Variants in TASOR observed in about 807,000 individuals in gnomAD.
The protein encoded by TASOR is protein TASOR.
Under a neutral mutation model 178.6 loss-of-function variants are expected in TASOR, and 53 were observed. The ratio of observed to expected loss-of-function variants is 0.30; its 90% confidence interval spans 0.24 to 0.37. TASOR has a LOEUF of 0.37. Among genes scored for constraint, TASOR ranks in the 10% least tolerant of loss-of-function variants. The probability of loss-of-function intolerance (pLI) is 1.00; values close to 1 mark genes in which losing one functional copy is unlikely to be tolerated. For missense variants in TASOR, 1,815 were observed against 1,971.4 expected, an observed-to-expected ratio of 0.92 and a Z score of 1.50; for synonymous variants, 713 against 696.2, an observed-to-expected ratio of 1.02 and a Z score of -0.38.
intron 11 of TASOR, among the ~76,000 whole-genome samples, chr3:56,656,929 G>A (rs1002012434): frequency 2.6e-5 from 4 of 151,554 alleles, no homozygotes; most frequent in African/African-American, 9.7e-5. Flanking sequence ...AGAACTGCTT[G>A]AACCCAGGAG....
rs144214683 is a variant in TASOR at position 56,633,605 on chromosome 3, G to A, written c.3186C>T (p.Ser1062=). Residue 1062 remains serine, a synonymous_variant, in exon 18 of 24, where the codon TCC becomes TCT. Transcript: ENST00000683822. ...TGGAAGTCTTAGAATATATGAACTC[G>A]GAAAGCCGTTTCATCTTCTCTTGTG... ...FSTQEKMKRL[S]EFIYSKTSKA... 2.0e-4 allele frequency: 316 copies of A among 1,613,946 alleles called. 1 individual carries two copies. The African/African-American group carries it at 3.2e-3, about 16-fold the overall frequency.
At position 56,628,554 on chromosome 3, in the gene TASOR, A is replaced by T. The variant is rs776829424; in HGVS notation, c.3808T>A (p.Ser1270Thr). The change falls in exon 19 of 24, where the codon TCA becomes ACA. Residue 1270 changes from serine to threonine, a missense_variant. This residue lies in a region of TASOR where 655 missense variants were observed against 671.1 expected (regional missense o/e 0.98). Coordinates refer to ENST00000683822, the MANE Select transcript of TASOR (RefSeq NM_001365635.2). Reference protein sequence around the residue: ...CHPEQFLERRSKLDKLLIIIQ... With the variant: ...CHPEQFLERRTKLDKLLIIIQ... ...ATAATCAATAGTTTATCTAATTTTGATCTTCTTTCCAAAAACTGTTCAGGA... is the reference window on the plus strand; with the variant it reads ...ATAATCAATAGTTTATCTAATTTTGTTCTTCTTTCCAAAAACTGTTCAGGA... 3.1e-6 allele frequency: 5 copies of T among 1,600,174 alleles called. No individual in the cohort carries two copies. The highest frequency in any genetic ancestry group is 4.3e-6 in the Non-Finnish European group (5 of 1,169,478).
At chr3:56,648,487 G>A (rs2077281212) in intron 13 of TASOR, among the ~76,000 whole-genome samples, 1 of 151,218 alleles carries the variant, frequency 6.6e-6, no homozygotes, top group Admixed American at 6.6e-5. Flanking sequence ...AAAATTAGCT[G>A]GGAGTGGTGG....
intron 1 of TASOR, among the ~76,000 whole-genome samples, chr3:56,676,151 G>A (rs1294462311): frequency 1.5e-5 from 2 of 133,742 alleles, no homozygotes; most frequent in Non-Finnish European, 3.1e-5. Context: ...CATGAGAGCA[G>A]GAACCTGCCT....
At chr3:56,636,361 A>G (rs1578205345) in intron 17 of TASOR, among the ~76,000 whole-genome samples, 2 of 152,144 alleles carry the variant, frequency 1.3e-5, no homozygotes, top group South Asian at 4.2e-4. Flanking sequence ...ACACACATAC[A>G]TGTCAATCCA....
intron 1 of TASOR, among the ~76,000 whole-genome samples, chr3:56,676,364 G>A (rs934908082): frequency 6.6e-6 from 1 of 152,162 alleles, no homozygotes; most frequent in African/African-American, 2.4e-5. Flanking sequence ...ACAAATGAAA[G>A]CTCAGAAAAG....
At chr3:56,640,638 C>T (rs768723160) in intron 15 of TASOR, among the ~76,000 whole-genome samples, 2 of 151,912 alleles carry the variant, frequency 1.3e-5, no homozygotes, top group African/African-American at 2.4e-5. Flanking sequence ...AAAACGACAT[C>T]GAGAAAGAAT....
At chr3:56,677,946 CAGA>C (rs2107643025) in intron 1 of TASOR, among the ~76,000 whole-genome samples, 1 of 152,204 alleles carries the variant, frequency 6.6e-6, no homozygotes, top group Admixed American at 6.5e-5. Context: ...AAATGCCTGT[CAGA>C]AGAACAGCTA....
intron 13 of TASOR, 90 bp from the exon 14 acceptor site, chr3:56,647,313 T>C: frequency 3.9e-6 from 4 of 1,027,152 alleles, no homozygotes; most frequent in Non-Finnish European, 5.5e-6. Context: ...CAAAGAAGTA[T>C]AAAAACATTT....
intron 9 of TASOR, among the ~76,000 whole-genome samples, chr3:56,662,155 T>C (rs1217098271): frequency 6.6e-6 from 1 of 151,470 alleles, no homozygotes; most frequent in Non-Finnish European, 1.5e-5. Flanking sequence ...AAGATAAAGT[T>C]TTATACCGTA....
At chr3:56,637,969 G>A (rs2077050168) in intron 17 of TASOR, among the ~76,000 whole-genome samples, 1 of 152,060 alleles carries the variant, frequency 6.6e-6, no homozygotes, top group Non-Finnish European at 1.5e-5. Flanking sequence ...TAATCTACCT[G>A]CAGAAATTAG....
In TASOR at chr3:56,666,270, G is replaced by A. The variant is rs367896401; in HGVS notation, c.1012C>T (p.Pro338Ser). The A allele has an allele frequency of 2.6e-6, 4 of 1,539,022 alleles. No individual in the cohort carries two copies. Among genetic ancestry groups the A allele is most frequent in the South Asian group, 1.2e-5 (1 of 80,198 alleles). ...KDDIQTPKFV[P>S]SSRSNSFNTD... is the part of the protein sequence containing the mutation. ...ACTCCTAAGTCTTACCTTGATGAAG[G>A]TACAAACTTCGGAGTTTGTATATCA... The change falls in exon 7 of 24, where the codon CCT becomes TCT. Residue 338 changes from proline to serine, a missense_variant. Pro to Ser is a moderately conservative substitution (Grantham distance 74). This residue lies in a region of TASOR where 504 missense variants were observed against 645.3 expected (regional missense o/e 0.78). Coordinates refer to ENST00000683822, the MANE Select transcript of TASOR (RefSeq NM_001365635.2).
Position 56,638,746 on chromosome 3 carries a change from T to C in TASOR, c.2784A>G (p.Pro928=). The C allele has an allele frequency of 6.2e-7, 1 of 1,614,170 alleles. No homozygotes were observed. The change falls in exon 17 of 24, where the codon CCA becomes CCG. Residue 928 remains proline (P), a synonymous_variant. Coordinates refer to ENST00000683822, the MANE Select transcript of TASOR (RefSeq NM_001365635.2). ...IPITGGNARS[P]EDQLGKHGEK... ...CACCATGTTTCCCCAGCTGGTCTTC[T>C]GGGCTTCTTGCATTCCCTCCTGAGG...
intron 11 of TASOR, among the ~76,000 whole-genome samples, chr3:56,655,068 A>C (rs991398817): frequency 4.6e-5 from 7 of 152,172 alleles, no homozygotes; most frequent in Non-Finnish European, 7.3e-5. Context: ...GATAAATGCA[A>C]CCCCTGACCC....
Position 56,682,666 on chromosome 3 carries a change from G to C in TASOR, c.331+10C>G. The C allele has an allele frequency of 6.9e-7, 1 of 1,455,370 alleles. No homozygotes were observed. The highest frequency in any genetic ancestry group is 1.4e-5 in the South Asian group (1 of 69,108). 90.2% of individuals were successfully genotyped at this position (1,455,370 alleles called of 1,614,324 possible). ...AGAGAGAGGGGGTTGAGAAGAAGGG[G>C]AGGCACCACCTTTCTTTTCTCTGCT... On this transcript the variant is annotated intron_variant, in intron 1 of 23. Coordinates refer to ENST00000683822, the MANE Select transcript of TASOR (RefSeq NM_001365635.2).
chr3:56,682,853 T>C lies in TASOR; in HGVS notation c.154A>G (p.Ser52Gly), dbSNP rs899537863. 4.4e-5 allele frequency: 68 copies of C among 1,550,080 alleles called. No individual in the cohort carries two copies. The highest frequency in any genetic ancestry group is 5.6e-5 in the Non-Finnish European group (64 of 1,146,568). ...TTCTCCTCACGCCCAGCGCCGCCGC[T>C]GGGCTCAGCGATGTTGAGGCCGCCG... is the stretch of plus-strand genomic sequence containing the variant. ...GGGGLNIAEP[S>G]GGAGREENAG... The change falls in exon 1 of 24, where the codon AGC (serine) becomes GGC (glycine). Residue 52 changes from serine (S) to glycine (G), a missense_variant. By Grantham distance (56) the Ser-to-Gly change is moderately conservative. Coordinates refer to ENST00000683822, the MANE Select transcript of TASOR (RefSeq NM_001365635.2).
chr3:56,624,541 TTGTGATAGC>T lies in TASOR; in HGVS notation c.4412_4420del (p.Gly1471_Asn1474delinsAsp). Reference sequence around the variant, plus strand: ...TGGAAGGTTTTCTTCTGTGATTGAATTGTGATAGCCCACAAGATTTTTAAAGTTTTGCAT... The same window carrying T: ...TGGAAGGTTTTCTTCTGTGATTGAATCCACAAGATTTTTAAAGTTTTGCAT... On this transcript the variant is annotated inframe_deletion, in exon 23 of 24. Coordinates refer to ENST00000683822, the MANE Select transcript of TASOR (RefSeq NM_001365635.2). 2.5e-6 allele frequency: 4 copies of T among 1,614,176 alleles called. No homozygotes were observed. The highest frequency in any genetic ancestry group is 3.4e-6 in the Non-Finnish European group (4 of 1,180,008).
chr3:56,676,271 G>A (rs2031287876), intron 1 of TASOR, among the ~76,000 whole-genome samples: 1 of 152,126 alleles, frequency 6.6e-6, no homozygotes. Flanking sequence ...CTTTAAAAAT[G>A]GTAACAATAT....
chr3:56,652,691 C>CA (rs1321036522), intron 11 of TASOR, among the ~76,000 whole-genome samples: 1 of 152,080 alleles, frequency 6.6e-6, no homozygotes, highest in Non-Finnish European at 1.5e-5. Flanking sequence ...GATAGGTACT[C>CA]ACTAAATACT....
Sources: gnomAD v4.1 joint callset for allele counts (sites outside exome capture counted in the v4.1 genomes callset) on GRCh38, gnomAD v4.1.1 for gene constraint, gnomAD v4.1.1 regional missense constraint, MANE v1.5 for transcripts, NCBI Gene and HGNC (gene_info 2026-07-23, HGNC 2026-07-21) for gene names.